The following FZD5 variants were observed in gnomAD, a reference collection of about 807,000 sequenced individuals.
FZD5 encodes the protein frizzled class receptor 5.
FZD5 carries 12 observed loss-of-function variants against 40.8 expected under a neutral mutation model. The ratio of observed to expected loss-of-function variants is 0.29; its 90% CI spans 0.19 to 0.48. FZD5 has a LOEUF of 0.48. Ranked by LOEUF, FZD5 falls within the 20% of genes least tolerant of loss-of-function variation. The pLI, the probability that FZD5 is intolerant of heterozygous loss-of-function variation, is 0.99. For missense variants in FZD5, 622 were observed against 832.8 expected, an observed-to-expected ratio of 0.75 and a Z score of 3.12; for synonymous variants, 380 against 383.7, an observed-to-expected ratio of 0.99 and a Z score of 0.11.
chr2:207,765,602 AG>A lies in FZD5; in HGVS notation c.*1379del, dbSNP rs1462303797. ...TCTCAGAAGAGGAAGAAAACTATAG[AG>A]GTAGCACTATACTGATCTATATTTT... On this transcript the variant is annotated 3_prime_UTR_variant, in exon 2 of 2. Transcript: ENST00000295417. The A allele has an allele frequency of 6.6e-6, 1 of 152,656 alleles. No individual in the cohort carries two copies. The highest frequency in any genetic ancestry group is 1.5e-5 in the Non-Finnish European group (1 of 68,048). 9.5% of individuals were successfully genotyped at this position (152,656 alleles called of 1,614,324 possible).
In FZD5 at chr2:207,768,401, C is replaced by G. The variant is rs1472743443; in HGVS notation, c.339G>C (p.Lys113Asn). ...GGCGCATCAGCGGCGAGCAGCCGGC[C>G]TTGGCGCGCTCGCACACCGAGCGGC... ...PPCRSVCERA[K>N]AGCSPLMRQY... Residue 113 changes from lysine (K) to asparagine (N), a missense_variant, in exon 2 of 2, where the codon AAG (lysine) becomes AAC (asparagine). By Grantham distance (94) the Lys-to-Asn change is moderately conservative. Transcript: ENST00000295417. The G allele has an allele frequency of 6.2e-7, 1 of 1,606,138 alleles. No homozygotes were observed. Among genetic ancestry groups the G allele is most frequent in the African/African-American group, 1.3e-5 (1 of 75,032 alleles).
At position 207,767,284 on chromosome 2, in the gene FZD5, A is replaced by G; in HGVS notation, c.1456T>C (p.Cys486Arg). 1 of 1,611,262 alleles carries G rather than the reference A, an allele frequency of 6.2e-7. No individual in the cohort carries two copies. The highest frequency in any genetic ancestry group is 8.5e-7 in the Non-Finnish European group (1 of 1,179,340). ...GGCTGGCCGGTGTCGTGGCCCGGGC[A>G]GGCGCAGGTGAGCGCCGCCTCCCAG... ...ESWEAALTCA[C>R]PGHDTGQPRA... Residue 486 changes from cysteine (C) to arginine (R), a missense_variant, in exon 2 of 2, where the codon TGC (cysteine) becomes CGC (arginine). By Grantham distance (180) the Cys-to-Arg change is radical. Around this residue, in one of 4 missense-constraint regions of FZD5, gnomAD observed 154 missense variants for 152.1 expected, o/e 1.01. Coordinates refer to ENST00000295417, the MANE Select transcript of FZD5 (RefSeq NM_003468.4).
At position 207,768,735 on chromosome 2, in the gene FZD5, G is replaced by A. The variant is rs2091995506; in HGVS notation, c.5C>T (p.Ala2Val). 6.4e-7 allele frequency: 1 copy of A among 1,563,088 alleles called. No homozygotes were observed. Reference protein sequence around the residue: MARPDPSAPPSL... With the variant: MVRPDPSAPPSL... Reference sequence around the variant, plus strand: ...GGGCGGCGCGGATGGGTCAGGCCGAGCCATCGCCCCCTCCCTCCCCTCGCC... The same window carrying A: ...GGGCGGCGCGGATGGGTCAGGCCGAACCATCGCCCCCTCCCTCCCCTCGCC... Residue 2 changes from alanine (A) to valine (V), a missense_variant, in exon 2 of 2, where the codon GCT becomes GTT. Transcript: ENST00000295417.
In FZD5 at chr2:207,764,961, A is replaced by C. The variant is rs1051661561; in HGVS notation, c.*2021T>G. ...TCCTAGAAGAATAAATAGAGGAATA[A>C]AATAGGCACAAAGTTCTGTAGCTAT... On this transcript the variant is annotated 3_prime_UTR_variant, in exon 2 of 2. Transcript: ENST00000295417. The C allele has an allele frequency of 6.6e-6, 1 of 152,248 alleles. No individual in the cohort carries two copies. The highest frequency in any genetic ancestry group is 6.5e-5 in the Admixed American group (1 of 15,286). 9.4% of individuals were successfully genotyped at this position (152,248 alleles called of 1,614,324 possible). A position where few individuals can be genotyped will look rare whatever the true frequency, so the allele number is the denominator to read the frequency against.
chr2:207,767,164 TCTTGCC>T lies in FZD5; in HGVS notation c.1570_1575del (p.Gly524_Lys525del). 6.3e-7 allele frequency: 1 copy of T among 1,586,050 alleles called. No homozygotes were observed. The highest frequency in any genetic ancestry group is 8.6e-7 in the Non-Finnish European group (1 of 1,167,666). ...GTGAAACGCCGCCACGACTCCACCG[TCTTGCC>T]CGACCAGATCCAGACGCCCGACGTG... On this transcript the variant is annotated inframe_deletion, in exon 2 of 2. Transcript: ENST00000295417.
In FZD5 at chr2:207,768,074, G is replaced by C; in HGVS notation, c.666C>G (p.Cys222Trp). The C allele has an allele frequency of 6.2e-7, 1 of 1,613,306 alleles. No individual in the cohort carries two copies. Among genetic ancestry groups the C allele is most frequent in the Non-Finnish European group, 8.5e-7 (1 of 1,179,698 alleles). The change falls in exon 2 of 2, where the codon TGC becomes TGG. Residue 222 changes from cysteine to tryptophan, a missense_variant. Physicochemically the swap from Cys to Trp is radical, Grantham distance 215. Transcript: ENST00000295417. ...TGQVPNCAVP[C>W]YQPSFSADER... ...CGTCGGCACTGAAGGACGGCTGGTA[G>C]CAGGGTACCGCGCAGTTGGGCACCT...
rs2091993368 is a variant in FZD5, at chr2:207,768,420, G to A, written c.320C>T (p.Ser107Leu). ...GCCGGCCTTGGCGCGCTCGCACACCGAGCGGCAGGGCGGCAGCGGCTTGTG... is the reference window on the plus strand; with the variant it reads ...GCCGGCCTTGGCGCGCTCGCACACCAAGCGGCAGGGCGGCAGCGGCTTGTG... Reference protein sequence around the residue: ...DYHKPLPPCRSVCERAKAGCS... With the variant: ...DYHKPLPPCRLVCERAKAGCS... The change falls in exon 2 of 2, where the codon TCG becomes TTG. Residue 107 changes from serine (S) to leucine (L), a missense_variant. Physicochemically the swap from Ser to Leu is moderately radical, Grantham distance 145. Coordinates refer to ENST00000295417, the MANE Select transcript of FZD5 (RefSeq NM_003468.4). 2 of 1,608,876 alleles carry A rather than the reference G, an allele frequency of 1.2e-6. No individual in the cohort carries two copies. Among genetic ancestry groups the A allele is most frequent in the East Asian group, 2.2e-5 (1 of 44,864 alleles).
rs2092003120 is a variant in FZD5 at position 207,769,906 on chromosome 2, T to C, written c.-897A>G. ...TCACGGCCGCAGGCTGGCTGCCCTC[T>C]CCCGCCCCGCCCGGGTCACCTGCTT... On this transcript the variant is annotated 5_prime_UTR_variant, in exon 1 of 2. Transcript: ENST00000295417. Among the ~76,000 whole-genome samples the C allele has an allele frequency of 6.6e-6, 1 of 151,800 alleles. No individual in the cohort carries two copies. The highest frequency in any genetic ancestry group is 6.6e-5 in the Admixed American group (1 of 15,264).
In FZD5 at chr2:207,768,891, G is replaced by T; in HGVS notation, c.-152C>A. 1 of 649,138 alleles carries T rather than the reference G, an allele frequency of 1.5e-6. No homozygotes were observed. Among genetic ancestry groups the T allele is most frequent in the Non-Finnish European group, 2.7e-6 (1 of 375,288 alleles). The allele number at this position is 649,138 out of a possible 1,614,324, so 40.2% of individuals were successfully genotyped here. On this transcript the variant is annotated 5_prime_UTR_variant, in exon 2 of 2. Transcript: ENST00000295417. ...TTTCCTTTAAAGAAAACCGTCCAAA[G>T]ATAAACTGCTTCGGGAAGGCGCTGC... is the stretch of plus-strand genomic sequence containing the variant.
In FZD5 at chr2:207,768,397, C is replaced by G; in HGVS notation, c.343G>C (p.Gly115Arg). The G allele has an allele frequency of 6.2e-7, 1 of 1,604,548 alleles. No individual in the cohort carries two copies. The highest frequency in any genetic ancestry group is 8.5e-7 in the Non-Finnish European group (1 of 1,178,598). The change falls in exon 2 of 2, where the codon GGC becomes CGC. Residue 115 changes from glycine (G) to arginine (R), a missense_variant. Gly to Arg is a moderately radical substitution (Grantham distance 125). Around this residue, in one of 4 missense-constraint regions of FZD5, gnomAD observed 144 missense variants for 214.2 expected, o/e 0.67. Coordinates refer to ENST00000295417, the MANE Select transcript of FZD5 (RefSeq NM_003468.4). ...TACTGGCGCATCAGCGGCGAGCAGC[C>G]GGCCTTGGCGCGCTCGCACACCGAG... ...CRSVCERAKA[G>R]CSPLMRQYGF...
In FZD5 at chr2:207,767,232, A is replaced by G. The variant is rs765452337; in HGVS notation, c.1508T>C (p.Leu503Pro). 2 of 1,610,120 alleles carry G rather than the reference A, an allele frequency of 1.2e-6. No individual in the cohort carries two copies. Among genetic ancestry groups the G allele is most frequent in the Admixed American group, 1.7e-5 (1 of 59,692 alleles). ...CAGGCACATGAAGTACTTGAGCATG[A>G]GCACCCAGTACTCGGGCTTGGCGCG... ...QPRAKPEYWV[L>P]MLKYFMCLVV... Residue 503 changes from leucine (L) to proline (P), a missense_variant, in exon 2 of 2, where the codon CTC (leucine) becomes CCC (proline). By Grantham distance (98) the Leu-to-Pro change is moderately conservative. Transcript: ENST00000295417.
chr2:207,768,113 CTTG>C lies in FZD5; in HGVS notation c.624_626del (p.Asn208del), dbSNP rs1217084209. 6.2e-7 allele frequency: 1 copy of C among 1,613,334 alleles called. No individual in the cohort carries two copies. The highest frequency in any genetic ancestry group is 8.5e-7 in the Non-Finnish European group (1 of 1,179,864). ...AGTTGGGCACCTGGCCCGTCCGCAC[CTTG>C]TTGTAGAGCGGGTGTGACTCCTTCA... is the stretch of plus-strand genomic sequence containing the variant. On this transcript the variant is annotated inframe_deletion, in exon 2 of 2. Transcript: ENST00000295417.
In FZD5 at chr2:207,768,575, G is replaced by C. The variant is rs2091994211; in HGVS notation, c.165C>G (p.Phe55Leu). The change falls in exon 2 of 2, where the codon TTC becomes TTG. Residue 55 changes from phenylalanine to leucine, a missense_variant. This residue lies in a region of FZD5 where 144 missense variants were observed against 214.2 expected (regional missense o/e 0.67). Transcript: ENST00000295417. ...CCGCCTCGTCCTGCGTGTCGTGGTTGAACTGGTTGGGCATGTGCGTCAGGT... is the reference window on the plus strand; with the variant it reads ...CCGCCTCGTCCTGCGTGTCGTGGTTCAACTGGTTGGGCATGTGCGTCAGGT... ...GYNLTHMPNQ[F>L]NHDTQDEAGL... 1 of 1,613,990 alleles carries C rather than the reference G, an allele frequency of 6.2e-7. No homozygotes were observed. The highest frequency in any genetic ancestry group is 8.5e-7 in the Non-Finnish European group (1 of 1,179,870).
chr2:207,765,812 A>G lies in FZD5; in HGVS notation c.*1170T>C, dbSNP rs1159614452. 6.6e-6 allele frequency: 1 copy of G among 151,382 alleles called. No individual in the cohort carries two copies. Among genetic ancestry groups the G allele is most frequent in the Non-Finnish European group, 1.5e-5 (1 of 67,818 alleles). 9.4% of individuals were successfully genotyped at this position (151,382 alleles called of 1,614,324 possible). Reference sequence around the variant, plus strand: ...CTCCCTCCCCCAGTTCAAGCACTTCATTCAAGGGTGGGTGTGGTTTCTAAT... The same window carrying G: ...CTCCCTCCCCCAGTTCAAGCACTTCGTTCAAGGGTGGGTGTGGTTTCTAAT... On this transcript the variant is annotated 3_prime_UTR_variant, in exon 2 of 2. Coordinates refer to ENST00000295417, the MANE Select transcript of FZD5 (RefSeq NM_003468.4).
In FZD5 at chr2:207,768,044, GCGCT is replaced by G. The variant is rs771403602; in HGVS notation, c.692_695del (p.Glu231AlafsTer8). The G allele has an allele frequency of 6.2e-7, 1 of 1,611,942 alleles. No individual in the cohort carries two copies. The highest frequency in any genetic ancestry group is 1.1e-5 in the South Asian group (1 of 90,616). Reference sequence around the variant, plus strand: ...GGCCTATCCAGAAGGTGGCGAACGTGCGCTCGTCGGCACTGAAGGACGGCTGGTA... The same window carrying G: ...GGCCTATCCAGAAGGTGGCGAACGTGCGTCGGCACTGAAGGACGGCTGGTA... On this transcript the variant is annotated frameshift_variant, in exon 2 of 2. Coordinates refer to ENST00000295417, the MANE Select transcript of FZD5 (RefSeq NM_003468.4). LOFTEE classifies it high-confidence loss of function.
At position 207,764,652 on chromosome 2, in the gene FZD5, C is replaced by CAA. The variant is rs905280684; in HGVS notation, c.*2328_*2329dup. ...TGTTCAGCATGTTGCTAAAACAAAA[C>CAA]AAAAAAAAATTCTAAAAATGAATTA... On this transcript the variant is annotated 3_prime_UTR_variant, in exon 2 of 2. Coordinates refer to ENST00000295417, the MANE Select transcript of FZD5 (RefSeq NM_003468.4). 2.0e-5 allele frequency: 3 copies of CAA among 151,702 alleles called. No individual in the cohort carries two copies. Among genetic ancestry groups the CAA allele is most frequent in the Admixed American group, 6.6e-5 (1 of 15,240 alleles). 9.4% of individuals were successfully genotyped at this position (151,702 alleles called of 1,614,324 possible).
rs1247784123 is a variant in FZD5, at chr2:207,765,615, C to T, written c.*1367G>A. ...AGAAAACTATAGAGGTAGCACTATACTGATCTATATTTTAAAAGGTTGTGC... is the reference window on the plus strand; with the variant it reads ...AGAAAACTATAGAGGTAGCACTATATTGATCTATATTTTAAAAGGTTGTGC... On this transcript the variant is annotated 3_prime_UTR_variant, in exon 2 of 2. Coordinates refer to ENST00000295417, the MANE Select transcript of FZD5 (RefSeq NM_003468.4). The T allele has an allele frequency of 2.0e-5, 3 of 152,592 alleles. No homozygotes were observed. Among genetic ancestry groups the T allele is most frequent in the Non-Finnish European group, 4.4e-5 (3 of 68,044 alleles). 9.5% of individuals were successfully genotyped at this position (152,592 alleles called of 1,614,324 possible). A position where few individuals can be genotyped will look rare whatever the true frequency, so the allele number is the denominator to read the frequency against.
rs1022054288 is a variant in FZD5 at position 207,768,512 on chromosome 2, G to A, written c.228C>T (p.Ile76=). Residue 76 remains isoleucine (I), a synonymous_variant, in exon 2 of 2, where the codon ATC becomes ATT. Coordinates refer to ENST00000295417, the MANE Select transcript of FZD5 (RefSeq NM_003468.4). ...EVHQFWPLVE[I]QCSPDLRFFL... ...AGAAGCGCAGGTCCGGCGAGCATTG[G>A]ATCTCCACCAGCGGCCAGAACTGGT... The A allele has an allele frequency of 1.2e-6, 2 of 1,613,904 alleles. No homozygotes were observed. Among genetic ancestry groups the A allele is most frequent in the African/African-American group, 2.7e-5 (2 of 74,932 alleles).
At position 207,763,836 on chromosome 2, in the gene FZD5, A is replaced by C. The variant is rs1314114029; in HGVS notation, c.*3146T>G. ...GCTCCAGCCCAGGAGGCAACAGCCT[A>C]ATGAATACCAACTTTGAAACAGTGC... On this transcript the variant is annotated 3_prime_UTR_variant, in exon 2 of 2. Transcript: ENST00000295417. The C allele has an allele frequency of 1.3e-5, 2 of 152,680 alleles. No individual in the cohort carries two copies. Among genetic ancestry groups the C allele is most frequent in the African/African-American group, 4.8e-5 (2 of 41,468 alleles). 9.5% of individuals were successfully genotyped at this position (152,680 alleles called of 1,614,324 possible). A position where few individuals can be genotyped will look rare whatever the true frequency, so the allele number is the denominator to read the frequency against.
Sources: gnomAD v4.1 joint callset for allele counts (sites outside exome capture counted in the v4.1 genomes callset) on GRCh38, gnomAD v4.1.1 for gene constraint, gnomAD v4.1.1 regional missense constraint, MANE v1.5 for transcripts, NCBI Gene and HGNC (gene_info 2026-07-23, HGNC 2026-07-21) for gene names.